Variants in CLTCL1 observed in about 807,000 individuals in gnomAD.
CLTCL1 encodes the protein clathrin heavy chain 2.
Under a neutral mutation model 190.0 loss-of-function variants are expected in CLTCL1, and 159 were observed. The observed-to-expected ratio is 0.84, with a 90% CI of 0.74 to 0.95. The LOEUF is 0.95. Among genes scored for constraint, CLTCL1 ranks in the 40% least tolerant of loss-of-function variants. CLTCL1 has a pLI of 0.00. For missense variants in CLTCL1, 1,878 were observed against 2,033.4 expected, an observed-to-expected ratio of 0.92 and a Z score of 1.47; for synonymous variants, 752 against 769.6, an observed-to-expected ratio of 0.98 and a Z score of 0.38.
chr22:19,201,517 C>A (rs1633404), intron 22 of CLTCL1, 24 bp from the exon 23 acceptor site: 17 of 1,594,640 alleles, frequency 1.1e-5, no homozygotes, highest in Non-Finnish European at 1.5e-5. Flanking sequence ...GGTAGCTCGA[C>A]TGAGACACTC....
intron 24 of CLTCL1, among the ~76,000 whole-genome samples, chr22:19,197,894 G>T (rs1488032991): frequency 6.6e-6 from 1 of 152,124 alleles, no homozygotes; most frequent in Non-Finnish European, 1.5e-5. Flanking sequence ...ATCCCCAGGG[G>T]ACTGCAGGCA....
In CLTCL1 at chr22:19,223,873, G is replaced by A; in HGVS notation, c.2292+18C>T. 1.2e-6 allele frequency: 2 copies of A among 1,612,846 alleles called. No homozygotes were observed. Among genetic ancestry groups the A allele is most frequent in the Non-Finnish European group, 1.7e-6 (2 of 1,179,776 alleles). On this transcript the variant is annotated intron_variant, in intron 14 of 32. Transcript: ENST00000427926. ...TCAGCAAGGGCAGCTCATGGAAGGAGGCAGCACTGGAACACACCTTCAGGA... is the reference window on the plus strand; with the variant it reads ...TCAGCAAGGGCAGCTCATGGAAGGAAGCAGCACTGGAACACACCTTCAGGA...
intron 2 of CLTCL1, among the ~76,000 whole-genome samples, chr22:19,256,943 C>A (rs2146117119): frequency 6.6e-6 from 1 of 152,278 alleles, no homozygotes; most frequent in South Asian, 2.1e-4. Context: ...TACTATAAAG[C>A]TATTAATAAA....
intron 1 of CLTCL1, among the ~76,000 whole-genome samples, chr22:19,281,558 G>A (rs951454022): frequency 1.6e-4 from 24 of 152,288 alleles, no homozygotes; most frequent in African/African-American, 5.8e-4. Context: ...GATCGGAGAC[G>A]TAAGTAAATC....
chr22:19,205,089 A>G (rs1555942002), intron 22 of CLTCL1, among the ~76,000 whole-genome samples: 1 of 81,446 alleles, frequency 1.2e-5, no homozygotes, highest in Non-Finnish European at 2.2e-5. Context: ...ATGATCACTG[A>G]TTAAAAAAAA....
intron 2 of CLTCL1, among the ~76,000 whole-genome samples, chr22:19,272,469 C>G (rs370519803): frequency 6.6e-6 from 1 of 151,956 alleles, no homozygotes; most frequent in East Asian, 1.9e-4. Context: ...GAGTTTCGCT[C>G]TTTTTTGTTT....
At chr22:19,188,754 C>G (rs560947441) in intron 27 of CLTCL1, among the ~76,000 whole-genome samples, 46 of 151,424 alleles carry the variant, frequency 3.0e-4, no homozygotes, top group Admixed American at 5.9e-4. Flanking sequence ...TAGCTGGGAC[C>G]AGGCGCTTGC....
At chr22:19,289,714 T>C (rs546436217) in intron 1 of CLTCL1, among the ~76,000 whole-genome samples, 39 of 152,148 alleles carry the variant, frequency 2.6e-4, no homozygotes, top group African/African-American at 9.2e-4. Flanking sequence ...GGCTCCCTTA[T>C]AGGGAAGAAG....
At chr22:19,207,524 G>T (rs1407596288) in intron 22 of CLTCL1, 1 of 401,116 alleles carries the variant, frequency 2.5e-6, no homozygotes, top group Non-Finnish European at 4.4e-6. Context: ...TTACTTCCTC[G>T]TGTGGCTTGC....
Position 19,225,489 on chromosome 22 carries a change from G to C in CLTCL1, c.2092C>G (p.Leu698Val). 1.3e-6 allele frequency: 2 copies of C among 1,587,638 alleles called. No individual in the cohort carries two copies. The highest frequency in any genetic ancestry group is 1.7e-6 in the Non-Finnish European group (2 of 1,166,392). The change falls in exon 13 of 33, where the codon CTG becomes GTG. Residue 698 changes from leucine (L) to valine (V), a missense_variant. Leu to Val is a conservative substitution (Grantham distance 32, BLOSUM62 1). Transcript: ENST00000427926. Reference protein sequence around the residue: ...KYHEQLGTQALVELFESFKSY... With the variant: ...KYHEQLGTQAVVELFESFKSY... ...TTGAAGGATTCAAAGAGCTCCACCAGGGCCTGCGTGCCCAGCTGCTCGTGG... is the reference window on the plus strand; with the variant it reads ...TTGAAGGATTCAAAGAGCTCCACCACGGCCTGCGTGCCCAGCTGCTCGTGG...
intron 19 of CLTCL1, 39 bp downstream of exon 19, chr22:19,216,072 A>T (rs375578476): frequency 6.2e-7 from 1 of 1,602,654 alleles, no homozygotes; most frequent in Non-Finnish European, 8.5e-7. Flanking sequence ...GATGTTTTGA[A>T]TCTGCCTGTG....
intron 2 of CLTCL1, among the ~76,000 whole-genome samples, chr22:19,270,951 T>C (rs782760844): frequency 1.3e-5 from 2 of 151,918 alleles, no homozygotes; most frequent in African/African-American, 4.8e-5. Flanking sequence ...TAAATGAACA[T>C]GTGTTTATGA....
In CLTCL1 at chr22:19,229,991, G is replaced by A; in HGVS notation, c.1645-16C>T. The A allele has an allele frequency of 1.3e-6, 2 of 1,584,168 alleles. No homozygotes were observed. Among genetic ancestry groups the A allele is most frequent in the Admixed American group, 1.8e-5 (1 of 55,730 alleles). The stretch of plus-strand genomic sequence containing the variant: ...TGTCCACAATCTGAAACATATCCAA[G>A]CCACATTTTCACTCAGTATGTTTTC... On this transcript the variant is annotated splice_polypyrimidine_tract_variant and intron_variant, in intron 10 of 32. Transcript: ENST00000427926.
chr22:19,266,204 G>T (rs2087119923), intron 2 of CLTCL1, among the ~76,000 whole-genome samples: 1 of 151,854 alleles, frequency 6.6e-6, no homozygotes. Context: ...TAATGATCAA[G>T]AAAAAAACAG....
chr22:19,279,725 T>C (rs1430982673), intron 1 of CLTCL1, among the ~76,000 whole-genome samples: 1 of 152,246 alleles, frequency 6.6e-6, no homozygotes, highest in Non-Finnish European at 1.5e-5. Flanking sequence ...ATCTGTGGCA[T>C]GCTTATAGAA....
At chr22:19,261,822 T>C (rs782048584) in intron 2 of CLTCL1, among the ~76,000 whole-genome samples, 1 of 152,092 alleles carries the variant, frequency 6.6e-6, no homozygotes, top group Non-Finnish European at 1.5e-5. Flanking sequence ...ACTGTTGAAA[T>C]TACTACAAGA....
intron 24 of CLTCL1, among the ~76,000 whole-genome samples, chr22:19,197,808 T>C (rs1555936737): frequency 6.6e-6 from 1 of 152,106 alleles, no homozygotes; most frequent in Non-Finnish European, 1.5e-5. Context: ...TGGGTTTTCT[T>C]CCCACTGTAC....
chr22:19,208,987 T>A lies in CLTCL1; in HGVS notation c.3377A>T (p.Asn1126Ile), dbSNP rs370445277. 6.2e-7 allele frequency: 1 copy of A among 1,611,868 alleles called. No homozygotes were observed. Among genetic ancestry groups the A allele is most frequent in the Non-Finnish European group, 8.5e-7 (1 of 1,179,096 alleles). The change falls in exon 21 of 33, where the codon AAC (asparagine) becomes ATC (isoleucine). Residue 1126 changes from asparagine to isoleucine, a missense_variant. Coordinates refer to ENST00000427926, the MANE Select transcript of CLTCL1 (RefSeq NM_007098.4). ...AGGGTCGTCCCCTCTGATATAGGAG[T>A]TGATGGCTTCCTTCACCAAATCTTT... Reference protein sequence around the residue: ...LQKDLVKEAINSYIRGDDPSS... With the variant: ...LQKDLVKEAIISYIRGDDPSS...
Position 19,199,762 on chromosome 22 carries a change from TC to T in CLTCL1, c.3844del (p.Glu1282SerfsTer5). On this transcript the variant is annotated frameshift_variant, in exon 24 of 33. Coordinates refer to ENST00000427926, the MANE Select transcript of CLTCL1 (RefSeq NM_007098.4). LOFTEE classifies it high-confidence loss of function. ...CGLHIVIHADELEELMCYYQD... is the reference protein window; with the variant it reads ...CGLHIVIHADXLEELMCYYQD... The stretch of plus-strand genomic sequence containing the variant: ...GTAATAGCACATCAGCTCCTCCAGC[TC>T]ATCTGCATGAATGACGATGTGAAGA... 1 of 1,593,516 alleles carries T rather than the reference TC, an allele frequency of 6.3e-7. No individual in the cohort carries two copies. The highest frequency in any genetic ancestry group is 8.5e-7 in the Non-Finnish European group (1 of 1,170,268).
Sources: allele counts gnomAD v4.1 joint callset (sites outside exome capture counted in the v4.1 genomes callset), GRCh38; gene constraint gnomAD v4.1.1; transcripts MANE v1.5; gene names NCBI Gene and HGNC (gene_info 2026-07-23, HGNC 2026-07-21).